The following CSMD1 variants were observed in gnomAD, a reference collection of about 807,000 sequenced individuals.
CSMD1 encodes CUB and Sushi multiple domains 1.
CSMD1 carries 213 observed loss-of-function variants against 417.5 expected under a neutral mutation model. The observed-to-expected ratio is 0.51, with a 90% confidence interval of 0.46 to 0.57. CSMD1 has a LOEUF of 0.57. CSMD1 is among the 20% of genes least tolerant of loss of function. CSMD1 has a pLI of 0.00. For synonymous variants in CSMD1, 2,862 were observed against 1,736.8 expected, an observed-to-expected ratio of 1.65 and a Z score of -16.11; for missense variants, 6,923 against 4,529.7, an observed-to-expected ratio of 1.53 and a Z score of -15.17.
chr8:4,825,043 T>C (rs984270593), intron 1 of CSMD1, among the ~76,000 whole-genome samples: 1 of 152,070 alleles, frequency 6.6e-6, no homozygotes, highest in African/African-American at 2.4e-5. Flanking sequence ...CTTTTTGAAG[T>C]CAAGCTTCTC....
intron 3 of CSMD1, among the ~76,000 whole-genome samples, chr8:4,401,095 T>C (rs1016210923): frequency 1.3e-5 from 2 of 152,100 alleles, no homozygotes; most frequent in Admixed American, 1.3e-4. Flanking sequence ...ACAAAGAAAA[T>C]TGAAGATAAC....
chr8:4,736,663 C>T (rs1810265942), intron 1 of CSMD1, among the ~76,000 whole-genome samples: 1 of 152,022 alleles, frequency 6.6e-6, no homozygotes, highest in Non-Finnish European at 1.5e-5. Flanking sequence ...GATTTTTATG[C>T]ATAACTTTTG....
intron 10 of CSMD1, among the ~76,000 whole-genome samples, chr8:3,537,105 G>C (rs1272462069): frequency 6.6e-6 from 1 of 152,120 alleles, no homozygotes; most frequent in African/African-American, 2.4e-5. Context: ...CTGGGTTCCA[G>C]CAATTCCCCT....
At chr8:4,424,396 G>A (rs962590433) in intron 2 of CSMD1, among the ~76,000 whole-genome samples, 1 of 151,818 alleles carries the variant, frequency 6.6e-6, no homozygotes, top group African/African-American at 2.4e-5. Flanking sequence ...AAAGTCAGGT[G>A]ACCTAAAGGA....
At chr8:3,013,401 A>T (rs1361558544) in intron 52 of CSMD1, among the ~76,000 whole-genome samples, 1 of 152,174 alleles carries the variant, frequency 6.6e-6, no homozygotes, top group African/African-American at 2.4e-5. Context: ...AGCATTTTAA[A>T]TATTTGAAAA....
intron 3 of CSMD1, among the ~76,000 whole-genome samples, chr8:4,057,867 G>C (rs1798777445): frequency 1.3e-5 from 2 of 152,254 alleles, no homozygotes; most frequent in African/African-American, 2.4e-5. Context: ...TATTTCTGCA[G>C]GCTGTGTTCT....
At chr8:3,425,804 C>A (rs1372463227) in intron 12 of CSMD1, among the ~76,000 whole-genome samples, 2 of 151,984 alleles carry the variant, frequency 1.3e-5, no homozygotes, top group Non-Finnish European at 2.9e-5. Context: ...ATTTCAGCAC[C>A]TTGATTCACG....
chr8:3,208,284 G>A (rs557271153), intron 30 of CSMD1, among the ~76,000 whole-genome samples: 1 of 152,234 alleles, frequency 6.6e-6, no homozygotes, highest in African/African-American at 2.4e-5. Context: ...TTCTTTTCAA[G>A]AACATCTTCT....
intron 10 of CSMD1, among the ~76,000 whole-genome samples, chr8:3,512,489 G>C (rs1343455450): frequency 6.6e-6 from 1 of 151,812 alleles, no homozygotes; most frequent in Non-Finnish European, 1.5e-5. Flanking sequence ...AAGAGGCACT[G>C]AAAGAATGAC....
chr8:3,941,534 G>T (rs984103472), intron 5 of CSMD1, among the ~76,000 whole-genome samples: 1 of 152,066 alleles, frequency 6.6e-6, no homozygotes, highest in Non-Finnish European at 1.5e-5. Flanking sequence ...GTTTTAAAGT[G>T]CTCTCTCTCC....
chr8:4,054,445 G>A (rs1435332595), intron 3 of CSMD1, among the ~76,000 whole-genome samples: 1 of 152,134 alleles, frequency 6.6e-6, no homozygotes, highest in Non-Finnish European at 1.5e-5. Flanking sequence ...GTATGGGAGA[G>A]AAGCAAACTT....
At chr8:4,326,227 A>T (rs1028695294) in intron 3 of CSMD1, among the ~76,000 whole-genome samples, 2 of 152,148 alleles carry the variant, frequency 1.3e-5, no homozygotes, top group African/African-American at 4.8e-5. Flanking sequence ...CTGCTTTGAA[A>T]ACCATTGGTC....
chr8:4,851,744 T>A (rs1327797022), intron 1 of CSMD1, among the ~76,000 whole-genome samples: 1 of 152,210 alleles, frequency 6.6e-6, no homozygotes, highest in Admixed American at 6.5e-5. Flanking sequence ...GACTTCTTCT[T>A]CTTCAAAGAC....
At position 3,658,562 on chromosome 8, in the gene CSMD1, G is replaced by C. The variant is rs569017560; in HGVS notation, c.1010-41765C>G. Among the ~76,000 whole-genome samples, 100 of 151,444 alleles carry C rather than the reference G, an allele frequency of 6.6e-4. 4 individuals carry two copies. The South Asian group carries it at 0.02, about 30-fold the overall frequency. On this transcript the variant is annotated intron_variant, in intron 7 of 69. Coordinates refer to ENST00000635120, the MANE Select transcript of CSMD1 (RefSeq NM_033225.6). ...CTTTGGGAGGCCAAGGCAGGTGGATGACTTGAGGTCAGGAGTTTGAGACCA... is the reference window on the plus strand; with the variant it reads ...CTTTGGGAGGCCAAGGCAGGTGGATCACTTGAGGTCAGGAGTTTGAGACCA...
chr8:3,355,429 G>C (rs549999209), intron 21 of CSMD1, among the ~76,000 whole-genome samples: 1 of 152,118 alleles, frequency 6.6e-6, no homozygotes, highest in Non-Finnish European at 1.5e-5. Context: ...TTCAGTTTTT[G>C]TTATTATTCA....
chr8:4,490,694 T>G (rs188909666), intron 2 of CSMD1, among the ~76,000 whole-genome samples: 46 of 152,242 alleles, frequency 3.0e-4, no homozygotes, highest in Admixed American at 2.2e-3. Flanking sequence ...AATAAGAGAC[T>G]CTTAACTTCA....
intron 7 of CSMD1, among the ~76,000 whole-genome samples, chr8:3,645,430 G>A (rs1387578810): frequency 2.0e-5 from 3 of 152,218 alleles, no homozygotes; most frequent in African/African-American, 7.2e-5. Context: ...GGTCTCAGAG[G>A]AAGGGGAAAG....
intron 5 of CSMD1, among the ~76,000 whole-genome samples, chr8:3,939,763 A>G (rs1286006980): frequency 6.6e-6 from 1 of 152,148 alleles, no homozygotes; most frequent in African/African-American, 2.4e-5. Context: ...GCAGTCACTC[A>G]GAAATGGAAA....
At chr8:3,191,732 A>C (rs191379709) in intron 33 of CSMD1, among the ~76,000 whole-genome samples, 2 of 152,338 alleles carry the variant, frequency 1.3e-5, no homozygotes, top group African/African-American at 4.8e-5. Context: ...TAAAGATTAA[A>C]AAATACTTCA....
Sources: allele counts gnomAD v4.1 joint callset (sites outside exome capture counted in the v4.1 genomes callset), GRCh38; gene constraint gnomAD v4.1.1; transcripts MANE v1.5; gene names NCBI Gene and HGNC (gene_info 2026-07-23, HGNC 2026-07-21).